DST: variants seen among roughly 807,000 people sequenced by gnomAD.
DST encodes the protein bullous pemphigoid antigen.
DST carries 253 observed loss-of-function variants against 875.2 expected under a neutral mutation model. The observed-to-expected ratio is 0.29, with a 90% confidence interval of 0.26 to 0.32. The LOEUF (loss-of-function observed/expected upper bound fraction) is 0.32. DST is among the 10% of genes least tolerant of loss of function. The pLI is 1.00. For missense variants in DST, 8,287 were observed against 9,111.6 expected (o/e 0.91, Z 3.68); for synonymous variants, 3,124 against 3,197.1 (o/e 0.98, Z 0.77).
At chr6:56,619,454 G>A (rs2098664823) in intron 36 of DST, 1 of 1,611,592 alleles carries the variant, frequency 6.2e-7, no homozygotes, top group African/African-American at 1.3e-5. Context: ...TAGATGATCT[G>A]ATTTTCTCTG....
intron 2 of DST, among the ~76,000 whole-genome samples, chr6:56,953,392 T>C (rs1036591306): frequency 6.6e-6 from 1 of 152,208 alleles, no homozygotes; most frequent in African/African-American, 2.4e-5. Context: ...ATGAAATGCA[T>C]ATGGATCAAA....
At chr6:56,512,347 G>A (rs2096493814) in intron 72 of DST, among the ~76,000 whole-genome samples, 1 of 152,198 alleles carries the variant, frequency 6.6e-6, no homozygotes, top group Admixed American at 6.5e-5. Flanking sequence ...TACACCTCAT[G>A]GATCCCATGG....
rs552633796 is a variant in DST at position 56,666,497 on chromosome 6, T to C, written c.1214+4144A>G. On this transcript the variant is annotated intron_variant, in intron 10 of 103. Transcript: ENST00000680361. ...TTCTATCTTGAGTATGCAAATTTGCTACATAGGGATAACCACATCCCTCTT... is the reference window on the plus strand; with the variant it reads ...TTCTATCTTGAGTATGCAAATTTGCCACATAGGGATAACCACATCCCTCTT... 6.7e-4 allele frequency among the ~76,000 whole-genome samples: 102 copies of C among 152,240 alleles called. 2 individuals carry two copies. In the South Asian group the frequency reaches 0.021, roughly 32 times the overall value.
At chr6:56,548,177 G>A (rs1383488059) in intron 61 of DST, among the ~76,000 whole-genome samples, 1 of 152,184 alleles carries the variant, frequency 6.6e-6, no homozygotes, top group Non-Finnish European at 1.5e-5. Flanking sequence ...AGCAATGACA[G>A]CTGATGAGCT....
intron 49 of DST, among the ~76,000 whole-genome samples, chr6:56,583,870 T>G (rs1475158543): frequency 6.6e-6 from 1 of 152,230 alleles, no homozygotes; most frequent in Non-Finnish European, 1.5e-5. Flanking sequence ...TCCCCATTGC[T>G]TTTGTCAGGT....
chr6:56,836,771 A>C (rs1301050774), intron 4 of DST, among the ~76,000 whole-genome samples: 2 of 150,634 alleles, frequency 1.3e-5, no homozygotes, highest in African/African-American at 4.9e-5. Context: ...GAATGGCGTG[A>C]ACCCGGGAGG....
intron 5 of DST, among the ~76,000 whole-genome samples, chr6:56,715,301 GGAGTT>G (rs2099391036): frequency 6.6e-6 from 1 of 152,176 alleles, no homozygotes; most frequent in Non-Finnish European, 1.5e-5. Flanking sequence ...CCACACAGTT[GGAGTT>G]AAGTAAATTG....
intron 81 of DST, 41 bp downstream of exon 81, chr6:56,497,815 T>G: frequency 6.6e-7 from 1 of 1,522,638 alleles, no homozygotes; most frequent in South Asian, 1.3e-5. Flanking sequence ...ATTTTGGTCT[T>G]GAATGCTATA....
chr6:56,569,531 T>C (rs1160399847), intron 54 of DST, among the ~76,000 whole-genome samples: 1 of 152,182 alleles, frequency 6.6e-6, no homozygotes, highest in Admixed American at 6.6e-5. Context: ...GTGAAGAGGA[T>C]GTTTTGCTTA....
intron 82 of DST, among the ~76,000 whole-genome samples, chr6:56,495,080 C>T (rs1409454588): frequency 6.6e-6 from 1 of 151,776 alleles, no homozygotes; most frequent in East Asian, 1.9e-4. Flanking sequence ...AGAACATTTT[C>T]ATCACCTCAA....
intron 4 of DST, among the ~76,000 whole-genome samples, chr6:56,837,793 G>A (rs780024527): frequency 6.6e-6 from 1 of 151,796 alleles, no homozygotes; most frequent in Non-Finnish European, 1.5e-5. Context: ...CTTCTCACAG[G>A]GTGAAATCCC....
rs187022017 is a variant in DST at position 56,671,098 on chromosome 6, T to C, written c.1048-291A>G. Among the ~76,000 whole-genome samples the C allele has an allele frequency of 6.6e-5, 10 of 152,328 alleles. No individual in the cohort carries two copies. In the East Asian group the frequency reaches 1.9e-3, roughly 29 times the overall value. On this transcript the variant is annotated intron_variant, in intron 9 of 103. Transcript: ENST00000680361. ...ATTTTACATATAGGAAATAAATAAA[T>C]TTTATCCATTTTACATATAGGAAAT...
At chr6:56,500,714 A>AT (rs1412972179) in intron 80 of DST, among the ~76,000 whole-genome samples, 1 of 152,126 alleles carries the variant, frequency 6.6e-6, no homozygotes, top group African/African-American at 2.4e-5. Context: ...TCAGCCTATG[A>AT]TTTTTTAGGC....
At chr6:56,812,426 A>G (rs2099761528) in intron 4 of DST, among the ~76,000 whole-genome samples, 1 of 152,226 alleles carries the variant, frequency 6.6e-6, no homozygotes, top group Admixed American at 6.5e-5. Context: ...AATTTTTCAG[A>G]AAAACATCTA....
At chr6:56,688,949 A>C (rs1027032250) in intron 9 of DST, among the ~76,000 whole-genome samples, 6 of 152,308 alleles carry the variant, frequency 3.9e-5, no homozygotes, top group African/African-American at 1.2e-4. Context: ...AATTCACAGA[A>C]ATTTAAAACT....
intron 36 of DST, chr6:56,617,017 C>A (rs2098633116): frequency 4.3e-6 from 7 of 1,612,434 alleles, no homozygotes; most frequent in Non-Finnish European, 5.9e-6. Flanking sequence ...CAAATGAAAT[C>A]TTTTCTTTTG....
intron 82 of DST, 92 bp downstream of exon 82, chr6:56,497,287 G>T: frequency 7.0e-7 from 1 of 1,436,254 alleles, no homozygotes; most frequent in Non-Finnish European, 9.5e-7. Context: ...TATCTTTAAA[G>T]CCTTCTCCCA....
chr6:56,705,716 C>T (rs1042044235), intron 5 of DST, among the ~76,000 whole-genome samples: 2 of 152,264 alleles, frequency 1.3e-5, no homozygotes, highest in Non-Finnish European at 2.9e-5. Flanking sequence ...TTCAATTACC[C>T]ATCTAGGCAT....
chr6:56,619,115 T>A (rs780853209), intron 36 of DST: 2 of 1,613,402 alleles, frequency 1.2e-6, no homozygotes, highest in Admixed American at 3.3e-5. Context: ...TTGAAAATCC[T>A]GCTCTGTTTT....
Sources: allele counts gnomAD v4.1 joint callset (sites outside exome capture counted in the v4.1 genomes callset), GRCh38; gene constraint gnomAD v4.1.1; transcripts MANE v1.5; gene names NCBI Gene and HGNC (gene_info 2026-07-23, HGNC 2026-07-21).